The following MAGI1 variants were observed in gnomAD, a reference collection of about 807,000 sequenced individuals.
The protein encoded by MAGI1 is membrane associated guanylate kinase, WW and PDZ domain containing 1, also known as membrane-associated guanylate kinase, WW and PDZ domain-containing protein 1.
Under a neutral mutation model 139.9 loss-of-function variants are expected in MAGI1, and 58 were observed. The observed-to-expected ratio is 0.41, with a 90% confidence interval of 0.34 to 0.52. The LOEUF (loss-of-function observed/expected upper bound fraction) is 0.52. Ranked by LOEUF, MAGI1 falls within the 20% of genes least tolerant of loss-of-function variation. The pLI, the probability that MAGI1 is intolerant of heterozygous loss-of-function variation, is 0.12. For missense variants in MAGI1, 1,874 were observed against 1,901.6 expected (o/e 0.99, Z 0.27); for synonymous variants, 812 against 737.9 (o/e 1.10, Z -1.63).
rs530120650 is a variant in MAGI1 at position 65,390,159 on chromosome 3, T to C, written c.2416+983A>G. On this transcript the variant is annotated intron_variant, in intron 14 of 22. Coordinates refer to ENST00000402939, the MANE Select transcript of MAGI1 (RefSeq NM_001033057.2). The stretch of plus-strand genomic sequence containing the variant: ...ACAACCTCTCTGCCACGACTCTCGA[T>C]GGGGACCCTGCTGAGCAGTGACCAC... Among the ~76,000 whole-genome samples the C allele has an allele frequency of 5.3e-5, 8 of 152,268 alleles. No homozygotes were observed. The East Asian group carries it at 1.2e-3, about 22-fold the overall frequency.
At chr3:65,705,226 T>C (rs1254717161) in intron 1 of MAGI1, among the ~76,000 whole-genome samples, 3 of 152,218 alleles carry the variant, frequency 2.0e-5, no homozygotes, top group Non-Finnish European at 4.4e-5. Context: ...TTAAGTACTT[T>C]AATGTTTTCA....
intron 1 of MAGI1, among the ~76,000 whole-genome samples, chr3:65,880,921 G>GTGTGTGTGTGTGTGTGTGTA (rs2060301893): frequency 1.3e-5 from 2 of 151,954 alleles, no homozygotes; most frequent in South Asian, 4.1e-4. Flanking sequence ...GTGTGTGTGT[G>GTGTGTGTGTGTGTGTGTGTA]TGTGTGTGTG....
intron 1 of MAGI1, among the ~76,000 whole-genome samples, chr3:65,649,126 C>T (rs1203633829): frequency 6.6e-6 from 1 of 152,080 alleles, no homozygotes; most frequent in African/African-American, 2.4e-5. Flanking sequence ...GTAATCCCAG[C>T]AACTTGGGAT....
intron 1 of MAGI1, among the ~76,000 whole-genome samples, chr3:65,910,529 G>A (rs531194377): frequency 6.6e-6 from 1 of 152,248 alleles, no homozygotes; most frequent in South Asian, 2.1e-4. Context: ...GTGGTTGTTG[G>A]GGCAGCACCA....
intron 1 of MAGI1, among the ~76,000 whole-genome samples, chr3:65,857,212 G>A (rs181807796): frequency 2.0e-4 from 30 of 152,238 alleles, no homozygotes; most frequent in African/African-American, 7.0e-4. Context: ...TCTTTACAAG[G>A]ACTGGCAAGT....
intron 1 of MAGI1, among the ~76,000 whole-genome samples, chr3:65,948,847 C>T (rs993408704): frequency 1.3e-5 from 2 of 152,176 alleles, no homozygotes; most frequent in African/African-American, 2.4e-5. Flanking sequence ...CTACAGGGCA[C>T]GAAGACGATG....
At chr3:66,034,218 C>A (rs1291874636) in intron 1 of MAGI1, among the ~76,000 whole-genome samples, 1 of 143,282 alleles carries the variant, frequency 7.0e-6, no homozygotes, top group South Asian at 2.6e-4. Flanking sequence ...GCCCAGGAAT[C>A]TGGATTTCTA....
At chr3:65,455,955 T>C (rs901220102) in intron 5 of MAGI1, among the ~76,000 whole-genome samples, 5 of 152,214 alleles carry the variant, frequency 3.3e-5, no homozygotes, top group Non-Finnish European at 7.3e-5. Context: ...ATTTCTAGTT[T>C]TTGGCTATTT....
At chr3:65,550,095 C>T (rs1271488737) in intron 2 of MAGI1, among the ~76,000 whole-genome samples, 1 of 152,096 alleles carries the variant, frequency 6.6e-6, no homozygotes, top group Non-Finnish European at 1.5e-5. Context: ...CTCTGCTGGC[C>T]CCATTCCATA....
intron 12 of MAGI1, among the ~76,000 whole-genome samples, chr3:65,420,154 T>C (rs1315939041): frequency 6.6e-6 from 1 of 152,042 alleles, no homozygotes; most frequent in Non-Finnish European, 1.5e-5. Context: ...TGAGAGCCTG[T>C]CCCTTCACCG....
intron 1 of MAGI1, among the ~76,000 whole-genome samples, chr3:65,738,451 A>G (rs2107768778): frequency 6.6e-6 from 1 of 152,308 alleles, no homozygotes; most frequent in African/African-American, 2.4e-5. Context: ...CACTGGGATT[A>G]TAAGCTTGAG....
intron 1 of MAGI1, among the ~76,000 whole-genome samples, chr3:65,699,726 G>A (rs1321348790): frequency 5.0e-5 from 6 of 120,296 alleles, no homozygotes; most frequent in East Asian, 5.5e-4. Context: ...GGGGACTGTG[G>A]TGGGGTGGGG....
chr3:65,822,838 T>C (rs2042021148), intron 1 of MAGI1, among the ~76,000 whole-genome samples: 1 of 152,196 alleles, frequency 6.6e-6, no homozygotes, highest in Admixed American at 6.5e-5. Context: ...AGTGGGATGG[T>C]GCTGAACCAT....
At chr3:65,716,800 T>C (rs1290221156) in intron 1 of MAGI1, among the ~76,000 whole-genome samples, 1 of 152,170 alleles carries the variant, frequency 6.6e-6, no homozygotes, top group Non-Finnish European at 1.5e-5. Flanking sequence ...TTTTAAAAAA[T>C]CAGCCTATGA....
chr3:65,488,190 A>C (rs1951748963), intron 3 of MAGI1, among the ~76,000 whole-genome samples: 1 of 152,118 alleles, frequency 6.6e-6, no homozygotes, highest in Admixed American at 6.6e-5. Context: ...TACTAAATTC[A>C]AACACCATCT....
rs2069049397 is a variant in MAGI1 at position 66,038,196 on chromosome 3, T to C, written c.113A>G (p.His38Arg). The C allele has an allele frequency of 6.2e-7, 1 of 1,612,298 alleles. No individual in the cohort carries two copies. Among genetic ancestry groups the C allele is most frequent in the South Asian group, 1.1e-5 (1 of 91,028 alleles). The change falls in exon 1 of 23, where the codon CAC becomes CGC. Residue 38 changes from histidine (H) to arginine (R), a missense_variant. This residue lies in a region of MAGI1 where 648 missense variants were observed against 598.1 expected (regional missense o/e 1.08). Coordinates refer to ENST00000402939, the MANE Select transcript of MAGI1 (RefSeq NM_001033057.2). Reference sequence around the variant, plus strand: ...CGCTCCGACGTACGGAAACTCCCCGTGCTCCGCGCCTCCCAGCACCGTCAC... The same window carrying C: ...CGCTCCGACGTACGGAAACTCCCCGCGCTCCGCGCCTCCCAGCACCGTCAC... ...LGVTVLGGAEHGEFPYVGAVA... is the reference protein window; with the variant it reads ...LGVTVLGGAERGEFPYVGAVA...
chr3:65,863,052 T>G (rs2059606716), intron 1 of MAGI1, among the ~76,000 whole-genome samples: 1 of 152,226 alleles, frequency 6.6e-6, no homozygotes, highest in African/African-American at 2.4e-5. Flanking sequence ...ATGTACCTAG[T>G]ACTTTCCATA....
Position 65,900,092 on chromosome 3 carries a change from C to CA in MAGI1, c.313+137903dup, listed in dbSNP as rs61497226. On this transcript the variant is annotated intron_variant, in intron 1 of 22. Transcript: ENST00000402939. ...TCCCATGATTACAATTACCTGGACC[C>CA]AAAAAAAAAAACGAGCTTTCTACAC... Among the ~76,000 whole-genome samples, 453 of 139,920 alleles carry CA rather than the reference C, an allele frequency of 3.2e-3. 2 individuals carry two copies. Among genetic ancestry groups the CA allele is most frequent in the African/African-American group, 5.4e-3 (205 of 38,162 alleles). The allele number at this position is 139,920 out of a possible 152,430, so 91.8% of individuals were successfully genotyped here. A position where few individuals can be genotyped will look rare whatever the true frequency, so the allele number is the denominator to read the frequency against.
intron 2 of MAGI1, among the ~76,000 whole-genome samples, chr3:65,550,419 C>T (rs182183265): frequency 1.1e-4 from 16 of 152,268 alleles, no homozygotes; most frequent in Admixed American, 1.0e-3. Flanking sequence ...CTTTTGAGTT[C>T]TGGATGATAT....
Sources: allele counts gnomAD v4.1 joint callset (sites outside exome capture counted in the v4.1 genomes callset), GRCh38; gene constraint gnomAD v4.1.1; regional missense constraint gnomAD v4.1.1; transcripts MANE v1.5; gene names NCBI Gene and HGNC (gene_info 2026-07-23, HGNC 2026-07-21).